Variants in TNFRSF1B observed in about 807,000 individuals in gnomAD.
TNFRSF1B encodes the protein tumor necrosis factor receptor superfamily member 1B.
Under a neutral mutation model 44.6 loss-of-function variants are expected in TNFRSF1B, and 19 were observed. The ratio of observed to expected loss-of-function variants is 0.43; its 90% CI spans 0.30 to 0.62. TNFRSF1B has a LOEUF of 0.62. Ranked by LOEUF, TNFRSF1B falls within the 20% of genes least tolerant of loss-of-function variation. The probability of loss-of-function intolerance (pLI) is 0.16; values close to 1 mark genes in which losing one functional copy is unlikely to be tolerated. For synonymous variants in TNFRSF1B, 252 were observed against 261.1 expected, an observed-to-expected ratio of 0.97 and a Z score of 0.34; for missense variants, 541 against 619.9, an observed-to-expected ratio of 0.87 and a Z score of 1.35.
rs368365494 is a variant in TNFRSF1B, at chr1:12,207,027, C to T, written c.*7C>T. On this transcript the variant is annotated 3_prime_UTR_variant, in exon 10 of 10. Coordinates refer to ENST00000376259, the MANE Select transcript of TNFRSF1B (RefSeq NM_001066.3). The stretch of plus-strand genomic sequence containing the variant: ...TGGGATGAAGCCCAGTTAACCAGGC[C>T]GGTGTGGGCTGTGTCGTAGCCAAGG... 412 of 1,569,418 alleles carry T rather than the reference C, an allele frequency of 2.6e-4. No homozygotes were observed. Among genetic ancestry groups the T allele is most frequent in the Non-Finnish European group, 3.4e-4 (386 of 1,151,790 alleles).
intron 8 of TNFRSF1B, 71 bp downstream of exon 8, chr1:12,194,689 G>GA (rs5746033): frequency 0.032 from 49,431 of 1,564,510 alleles, 901 homozygotes; most frequent in Non-Finnish European, 0.037. Flanking sequence ...TGTCACAGAG[G>GA]AAGCAGTGAA....
rs1415447494 is a variant in TNFRSF1B, at chr1:12,177,572, T to C, written c.78+10403T>C. 1.3e-5 allele frequency among the ~76,000 whole-genome samples: 2 copies of C among 152,036 alleles called. No homozygotes were observed. Among genetic ancestry groups the C allele is most frequent in the African/African-American group, 4.8e-5 (2 of 41,400 alleles). ...GCTCCTCCCAGACCTTTGGCTTCGT[T>C]GACTGTGAGGTGAAAACAAAAGGGC... On this transcript the variant is annotated intron_variant, in intron 1 of 9. Transcript: ENST00000376259. This position sits in a 1 kb window ranked among gnomAD's most constrained non-coding sequence, Gnocchi z 4.3.
chr1:12,189,934 C>A (rs1232879540), intron 2 of TNFRSF1B, among the ~76,000 whole-genome samples: 4 of 152,124 alleles, frequency 2.6e-5, no homozygotes, highest in African/African-American at 9.7e-5. Context: ...GAAGTCGGAG[C>A]CTGTTTGGTG....
rs893537815 is a variant in TNFRSF1B, at chr1:12,186,199, G to A, written c.79-2597G>A. On this transcript the variant is annotated intron_variant, in intron 1 of 9. Transcript: ENST00000376259. This position sits in a 1 kb window ranked among gnomAD's most constrained non-coding sequence, Gnocchi z 4.8. ...CGAGGGGTGCAGCCAGGGCAGGGTG[G>A]TGCTGCCTGCCAGGCTGAGGTGGGA... 1.3e-5 allele frequency among the ~76,000 whole-genome samples: 2 copies of A among 152,164 alleles called. No individual in the cohort carries two copies. Among genetic ancestry groups the A allele is most frequent in the East Asian group, 1.9e-4 (1 of 5,192 alleles).
Position 12,168,687 on chromosome 1 carries a change from T to C in TNFRSF1B, c.78+1518T>C, listed in dbSNP as rs1305748123. Among the ~76,000 whole-genome samples, 1 of 152,068 alleles carries C rather than the reference T, an allele frequency of 6.6e-6. No homozygotes were observed. The highest frequency in any genetic ancestry group is 2.4e-5 in the African/African-American group (1 of 41,384). ...TAGCTGGAGGAGGTTCCCTCCCACT[T>C]CCTTCCCTTCCTGACCAGCTCCTGC... On this transcript the variant is annotated intron_variant, in intron 1 of 9. Transcript: ENST00000376259. The surrounding 1 kb of genome is among the most constrained non-coding windows in gnomAD (Gnocchi z 4.7).
intron 1 of TNFRSF1B, among the ~76,000 whole-genome samples, chr1:12,184,871 C>T (rs1409428435): frequency 6.6e-6 from 1 of 152,208 alleles, no homozygotes; most frequent in African/African-American, 2.4e-5. Context: ...GCAGGATTCC[C>T]ACGAGACCTG....
intron 8 of TNFRSF1B, among the ~76,000 whole-genome samples, chr1:12,196,947 T>C (rs1486317367): frequency 1.3e-4 from 20 of 151,732 alleles, no homozygotes; most frequent in Non-Finnish European, 1.6e-4. Flanking sequence ...TCCATTTTTT[T>C]TTTCTTTCTT....
chr1:12,191,925 T>A lies in TNFRSF1B; in HGVS notation c.457+2T>A. 2 of 1,607,864 alleles carry A rather than the reference T, an allele frequency of 1.2e-6. No individual in the cohort carries two copies. The highest frequency in any genetic ancestry group is 1.7e-6 in the Non-Finnish European group (2 of 1,177,818). On this transcript the variant is annotated splice_donor_variant, in intron 4 of 9. Coordinates refer to ENST00000376259, the MANE Select transcript of TNFRSF1B (RefSeq NM_001066.3). LOFTEE classifies it high-confidence loss of function. The stretch of plus-strand genomic sequence containing the variant: ...CGGGCTTCGGCGTGGCCAGACCAGG[T>A]ACGGGGTGGGGCTCAGGTCCTTGGG...
At position 12,207,359 on chromosome 1, in the gene TNFRSF1B, T is replaced by TTTG; in HGVS notation, c.*341_*342insGTT. 1 of 307,842 alleles carries TTTG rather than the reference T, an allele frequency of 3.2e-6. No individual in the cohort carries two copies. Among genetic ancestry groups the TTTG allele is most frequent in the Non-Finnish European group, 5.9e-6 (1 of 168,384 alleles). The allele number at this position is 307,842 out of a possible 1,614,324, so 19.1% of individuals were successfully genotyped here. On this transcript the variant is annotated 3_prime_UTR_variant, in exon 10 of 10. Transcript: ENST00000376259. ...GCCTGGCTTCTGGAGCCCTTGGGTT[T>TTTG]TTTGTTTGTTTGTTTGTTTGTTTGT...
intron 1 of TNFRSF1B, among the ~76,000 whole-genome samples, chr1:12,179,783 T>C (rs536592486): frequency 1.3e-5 from 2 of 152,224 alleles, no homozygotes; most frequent in Admixed American, 6.5e-5. Flanking sequence ...CCTTGGACAA[T>C]TTGCACGAAA....
rs772088054 is a variant in TNFRSF1B, at chr1:12,201,993, G to C, written c.927G>C (p.Arg309=). ...CTCACTTGCCTGCCGATAAGGCCCG[G>C]GGTACACAGGGCCCCGAGCAGCAGC... ...KVPHLPADKA[R]GTQGPEQQHL... is the part of the protein sequence containing the mutation. Residue 309 remains arginine (R), a synonymous_variant, in exon 9 of 10, where the codon CGG becomes CGC. Transcript: ENST00000376259. 12 of 1,612,984 alleles carry C rather than the reference G, an allele frequency of 7.4e-6. No homozygotes were observed. In the Middle Eastern group the frequency reaches 1.3e-3, roughly 178 times the overall value.
At chr1:12,201,782 C>T (rs920993861) in intron 8 of TNFRSF1B, among the ~76,000 whole-genome samples, 185 bp from the exon 9 acceptor site, 1 of 152,156 alleles carries the variant, frequency 6.6e-6, no homozygotes, top group African/African-American at 2.4e-5. Context: ...AACACAGAAA[C>T]CACGGAGAAT....
Position 12,193,962 on chromosome 1 carries a change from T to A in TNFRSF1B, c.795T>A (p.Ile265=). Reference sequence around the variant, plus strand: ...CTTCTCTTTTCTTTCTAGGACTGATTGTGGGTGTGACAGCCTTGGGTCTAC... The same window carrying A: ...CTTCTCTTTTCTTTCTAGGACTGATAGTGGGTGTGACAGCCTTGGGTCTAC... ...TGDFALPVGL[I]VGVTALGLLI... The change falls in exon 7 of 10, where the codon ATT becomes ATA. Residue 265 remains isoleucine, a synonymous_variant. Coordinates refer to ENST00000376259, the MANE Select transcript of TNFRSF1B (RefSeq NM_001066.3). The A allele has an allele frequency of 6.2e-7, 1 of 1,613,804 alleles. No individual in the cohort carries two copies. The highest frequency in any genetic ancestry group is 1.1e-5 in the South Asian group (1 of 91,058).
chr1:12,192,023 G>A, intron 4 of TNFRSF1B, 100 bp downstream of exon 4: 1 of 1,472,730 alleles, frequency 6.8e-7, no homozygotes, highest in Non-Finnish European at 9.1e-7. Flanking sequence ...TAGTCCAGCA[G>A]GGAGCACTGT....
At chr1:12,191,728 G>A (rs752962082) in intron 3 of TNFRSF1B, 46 bp from the exon 4 acceptor site, 60 of 1,610,260 alleles carry the variant, frequency 3.7e-5, no homozygotes, top group Non-Finnish European at 5.1e-5. Context: ...CAGCGTGGGT[G>A]TGGCGGAGGC....
At position 12,184,465 on chromosome 1, in the gene TNFRSF1B, C is replaced by G. The variant is rs1024730630; in HGVS notation, c.79-4331C>G. Among the ~76,000 whole-genome samples, 3 of 152,278 alleles carry G rather than the reference C, an allele frequency of 2.0e-5. No individual in the cohort carries two copies. In the South Asian group the frequency reaches 6.2e-4, roughly 32 times the overall value. ...CAGAGCCAGGGAGGAAGTCCTACCCCCTCTGCCGGCTACCGGGGGGGCTGG... is the reference window on the plus strand; with the variant it reads ...CAGAGCCAGGGAGGAAGTCCTACCCGCTCTGCCGGCTACCGGGGGGGCTGG... On this transcript the variant is annotated intron_variant, in intron 1 of 9. Coordinates refer to ENST00000376259, the MANE Select transcript of TNFRSF1B (RefSeq NM_001066.3).
At chr1:12,191,667 G>A (rs777929369) in intron 3 of TNFRSF1B, 107 bp from the exon 4 acceptor site, 20 of 1,468,670 alleles carry the variant, frequency 1.4e-5, no homozygotes, top group Non-Finnish European at 1.9e-5. Context: ...GAGGCGGTCC[G>A]CCAGCCTCCT....
chr1:12,206,381 A>G (rs1000211263), intron 9 of TNFRSF1B, among the ~76,000 whole-genome samples: 3 of 150,610 alleles, frequency 2.0e-5, no homozygotes, highest in African/African-American at 7.3e-5. Flanking sequence ...AAAAAAAGAC[A>G]GAAGAGACAG....
intron 1 of TNFRSF1B, among the ~76,000 whole-genome samples, chr1:12,172,412 G>A (rs527397604): frequency 5.6e-4 from 86 of 152,236 alleles, no homozygotes; most frequent in Non-Finnish European, 1.0e-3. Context: ...CTCACGGGCT[G>A]GCTGTCAGGA....
Sources: gnomAD v4.1 joint callset for allele counts (sites outside exome capture counted in the v4.1 genomes callset) on GRCh38, gnomAD v4.1.1 for gene constraint, Gnocchi (gnomAD v3.1) non-coding constraint, MANE v1.5 for transcripts, NCBI Gene and HGNC (gene_info 2026-07-23, HGNC 2026-07-21) for gene names.